ULK4: variants seen among roughly 807,000 people sequenced by gnomAD.
ULK4 encodes inactive serine/threonine-protein kinase ULK4.
Under a neutral mutation model 160.6 loss-of-function variants are expected in ULK4, and 133 were observed. The ratio of observed to expected loss-of-function variants is 0.83; its 90% CI spans 0.72 to 0.96. The LOEUF is 0.96. ULK4 is among the 40% of genes least tolerant of loss of function. The probability of loss-of-function intolerance (pLI) is 0.00; values close to 1 mark genes in which losing one functional copy is unlikely to be tolerated. For synonymous variants in ULK4, 534 were observed against 539.8 expected, an observed-to-expected ratio of 0.99 and a Z score of 0.15; for missense variants, 1,580 against 1,499.5, an observed-to-expected ratio of 1.05 and a Z score of -0.89.
chr3:41,921,285 C>T (rs1192863816), intron 5 of ULK4, among the ~76,000 whole-genome samples: 1 of 152,010 alleles, frequency 6.6e-6, no homozygotes, highest in African/African-American at 2.4e-5. Flanking sequence ...GCTCTCCAGC[C>T]TGTGTAACAA....
intron 32 of ULK4, among the ~76,000 whole-genome samples, chr3:41,545,911 C>T (rs892536504): frequency 6.6e-6 from 1 of 152,090 alleles, no homozygotes; most frequent in African/African-American, 2.4e-5. Flanking sequence ...GTTTTAAGTA[C>T]TGAACTTTGC....
chr3:41,720,044 C>T (rs2037397122), intron 22 of ULK4, among the ~76,000 whole-genome samples: 1 of 152,124 alleles, frequency 6.6e-6, no homozygotes, highest in Non-Finnish European at 1.5e-5. Flanking sequence ...ACTCACTGTA[C>T]TCTCCAATGA....
intron 35 of ULK4, among the ~76,000 whole-genome samples, chr3:41,273,637 G>T (rs2079177928): frequency 6.6e-6 from 1 of 152,146 alleles, no homozygotes; most frequent in African/African-American, 2.4e-5. Flanking sequence ...GATACGATTT[G>T]TTTGGTCCCA....
At chr3:41,769,440 C>G (rs560951142) in intron 21 of ULK4, among the ~76,000 whole-genome samples, 1 of 152,326 alleles carries the variant, frequency 6.6e-6, no homozygotes, top group South Asian at 2.1e-4. Context: ...CAGGTCACTT[C>G]AGCTAGCAAT....
intron 35 of ULK4, among the ~76,000 whole-genome samples, chr3:41,287,887 C>T (rs1009250847): frequency 6.6e-6 from 1 of 152,198 alleles, no homozygotes; most frequent in Admixed American, 6.5e-5. Flanking sequence ...ACCAAGGTTA[C>T]ACATGGGGAC....
intron 32 of ULK4, among the ~76,000 whole-genome samples, chr3:41,489,864 C>A (rs747698745): frequency 1.3e-5 from 2 of 152,130 alleles, no homozygotes; most frequent in African/African-American, 4.8e-5. Flanking sequence ...TTAATACACA[C>A]AGGGTATGAC....
At chr3:41,589,514 A>C (rs1329278997) in intron 31 of ULK4, among the ~76,000 whole-genome samples, 1 of 151,542 alleles carries the variant, frequency 6.6e-6, no homozygotes, top group East Asian at 1.9e-4. Context: ...ACAGAAGGCC[A>C]GGGAATCACT....
At chr3:41,870,087 T>C (rs1697035480) in intron 17 of ULK4, among the ~76,000 whole-genome samples, 4 of 152,202 alleles carry the variant, frequency 2.6e-5, no homozygotes, top group South Asian at 2.1e-4. Context: ...TATAACTGTT[T>C]CCCAGCATGG....
intron 35 of ULK4, among the ~76,000 whole-genome samples, chr3:41,388,224 C>T (rs1199837117): frequency 2.6e-5 from 4 of 151,828 alleles, no homozygotes; most frequent in Non-Finnish European, 4.4e-5. Context: ...TGGGGTTGTT[C>T]ACTTTTTTCT....
In ULK4 at chr3:41,249,695, G is replaced by A. The variant is rs766693516; in HGVS notation, c.3679-121C>T. 5.2e-4 allele frequency: 520 copies of A among 993,994 alleles called. 2 individuals are homozygous for A. Among genetic ancestry groups the A allele is most frequent in the Non-Finnish European group, 6.9e-4 (462 of 671,848 alleles). 61.6% of individuals were successfully genotyped at this position (993,994 alleles called of 1,614,324 possible). A position where few individuals can be genotyped will look rare whatever the true frequency, so the allele number is the denominator to read the frequency against. ...CTGTGGCTGCCTAAGGCACTGGGGG[G>A]TGTCCCCTGGGCTTGTCTGTAACCC... On this transcript the variant is annotated intron_variant, in intron 35 of 36. Transcript: ENST00000301831.
intron 27 of ULK4, among the ~76,000 whole-genome samples, chr3:41,692,863 A>G (rs2036357308): frequency 6.6e-6 from 1 of 152,148 alleles, no homozygotes; most frequent in Admixed American, 6.5e-5. Flanking sequence ...CATTTTTTTA[A>G]AAATGTGTGA....
intron 35 of ULK4, among the ~76,000 whole-genome samples, chr3:41,328,987 TCAC>T (rs1275801933): frequency 6.7e-6 from 1 of 149,036 alleles, no homozygotes; most frequent in Non-Finnish European, 1.5e-5. Context: ...TTAATCTCAT[TCAC>T]CACCACAATC....
At chr3:41,762,791 T>C (rs1288646179) in intron 21 of ULK4, among the ~76,000 whole-genome samples, 2 of 151,080 alleles carry the variant, frequency 1.3e-5, no homozygotes, top group Non-Finnish European at 2.9e-5. Flanking sequence ...GCCTCCCCAG[T>C]AGCTGGGACT....
At chr3:41,767,315 G>C (rs1200029955) in intron 21 of ULK4, among the ~76,000 whole-genome samples, 3 of 152,096 alleles carry the variant, frequency 2.0e-5, no homozygotes, top group African/African-American at 4.8e-5. Flanking sequence ...ACATGATCCA[G>C]AGACAGACAC....
intron 5 of ULK4, 35 bp from the exon 6 acceptor site, chr3:41,919,853 C>T: frequency 1.3e-6 from 2 of 1,493,028 alleles, no homozygotes; most frequent in Non-Finnish European, 1.9e-6. Flanking sequence ...CTCGGTTAGG[C>T]ATTTGTATTG....
intron 35 of ULK4, among the ~76,000 whole-genome samples, chr3:41,339,532 G>C (rs1228378421): frequency 1.3e-5 from 2 of 152,114 alleles, no homozygotes; most frequent in African/African-American, 4.8e-5. Flanking sequence ...TCCATTACAG[G>C]TTTCTCCTGG....
intron 22 of ULK4, among the ~76,000 whole-genome samples, chr3:41,735,941 G>A (rs1305666724): frequency 6.8e-6 from 1 of 147,738 alleles, no homozygotes; most frequent in Non-Finnish European, 1.5e-5. Flanking sequence ...AATATGCGGT[G>A]TTTGGTTTTT....
intron 5 of ULK4, among the ~76,000 whole-genome samples, chr3:41,929,007 C>A (rs1412873611): frequency 6.6e-6 from 1 of 152,008 alleles, no homozygotes; most frequent in Non-Finnish European, 1.5e-5. Flanking sequence ...CCAGCATCAT[C>A]CTGATACCAA....
intron 32 of ULK4, among the ~76,000 whole-genome samples, chr3:41,471,093 G>A (rs181064580): frequency 9.2e-4 from 140 of 151,810 alleles, no homozygotes; most frequent in African/African-American, 3.2e-3. Flanking sequence ...ACTATAAGCC[G>A]CCTACAAGAT....
Sources: allele counts gnomAD v4.1 joint callset (sites outside exome capture counted in the v4.1 genomes callset), GRCh38; gene constraint gnomAD v4.1.1; transcripts MANE v1.5; gene names NCBI Gene and HGNC (gene_info 2026-07-23, HGNC 2026-07-21).